F13B: variants seen among roughly 807,000 people sequenced by gnomAD.
F13B encodes the protein TGase.
Under a neutral mutation model 79.8 loss-of-function variants are expected in F13B, and 58 were observed. The ratio of observed to expected loss-of-function variants is 0.73; its 90% CI spans 0.59 to 0.90. The LOEUF (loss-of-function observed/expected upper bound fraction) is 0.90. F13B is among the 40% of genes least tolerant of loss of function. The pLI, the probability that F13B is intolerant of heterozygous loss-of-function variation, is 0.00. For synonymous variants in F13B, 283 were observed against 260.3 expected (o/e 1.09, Z -0.84); for missense variants, 773 against 777.0 (o/e 0.99, Z 0.06).
At chr1:197,046,819 G>C (rs1487294235) in intron 10 of F13B, among the ~76,000 whole-genome samples, 2 of 152,082 alleles carry the variant, frequency 1.3e-5, no homozygotes, top group Non-Finnish European at 2.9e-5. Context: ...CAGATATATA[G>C]ACCAATGGAA....
In F13B at chr1:197,050,852, G is replaced by A; in HGVS notation, c.1583C>T (p.Pro528Leu). The change falls in exon 10 of 12, where the codon CCT becomes CTT. Residue 528 changes from proline to leucine, a missense_variant. Physicochemically the swap from Pro to Leu is moderately conservative, Grantham distance 98. Transcript: ENST00000367412. ...KESKGMCTSPPLIKHGVIISS... is the reference protein window; with the variant it reads ...KESKGMCTSPLLIKHGVIISS... The stretch of plus-strand genomic sequence containing the variant: ...AATAATGACTCCATGTTTAATAAGA[G>A]GAGGAGATGTGCACATTCCTTTAGA... 6.2e-7 allele frequency: 1 copy of A among 1,613,116 alleles called. No homozygotes were observed. The highest frequency in any genetic ancestry group is 1.1e-5 in the South Asian group (1 of 91,054).
intron 8 of F13B, among the ~76,000 whole-genome samples, chr1:197,053,127 C>A (rs1002367505): frequency 4.6e-5 from 7 of 151,954 alleles, no homozygotes; most frequent in African/African-American, 1.7e-4. Context: ...AAAATAAAAA[C>A]CTTTAACTAC....
At chr1:197,047,234 T>C (rs976782050) in intron 10 of F13B, among the ~76,000 whole-genome samples, 2 of 152,126 alleles carry the variant, frequency 1.3e-5, no homozygotes, top group Admixed American at 6.5e-5. Context: ...ACCTACAGAA[T>C]GGGAGAAAAT....
At chr1:197,066,450 G>T (rs1363380440) in intron 1 of F13B, among the ~76,000 whole-genome samples, 4 of 152,104 alleles carry the variant, frequency 2.6e-5, no homozygotes, top group Admixed American at 2.6e-4. Flanking sequence ...ACATACCCAT[G>T]TACACTGCCT....
chr1:197,044,432 G>A (rs1277737227), intron 10 of F13B, among the ~76,000 whole-genome samples: 2 of 152,108 alleles, frequency 1.3e-5, no homozygotes, highest in African/African-American at 4.8e-5. Flanking sequence ...TAATGGTAAA[G>A]GGATCAATTC....
chr1:197,045,670 A>G (rs1655202234), intron 10 of F13B, among the ~76,000 whole-genome samples: 1 of 152,236 alleles, frequency 6.6e-6, no homozygotes, highest in Non-Finnish European at 1.5e-5. Context: ...TGAAGTCAGC[A>G]TCATCCTGAT....
chr1:197,058,887 T>G (rs1481714123), intron 5 of F13B, among the ~76,000 whole-genome samples: 6 of 152,056 alleles, frequency 3.9e-5, no homozygotes, highest in Non-Finnish European at 7.4e-5. Flanking sequence ...AAAACAGGCA[T>G]GTTGTCATGC....
At chr1:197,061,133 A>C in intron 3 of F13B, 58 bp from the exon 4 acceptor site, 1 of 889,220 alleles carries the variant, frequency 1.1e-6, no homozygotes, top group Non-Finnish European at 1.6e-6. Flanking sequence ...GATTATAAAA[A>C]ATCTCAAAAT....
Position 197,061,880 on chromosome 1 carries a change from C to G in F13B, c.355G>C (p.Ala119Pro). The G allele has an allele frequency of 6.2e-7, 1 of 1,613,142 alleles. No homozygotes were observed. Among genetic ancestry groups the G allele is most frequent in the Middle Eastern group, 1.7e-4 (1 of 6,058 alleles). Reference protein sequence around the residue: ...KIQENMRYGCASGYKTTGGKD... With the variant: ...KIQENMRYGCPSGYKTTGGKD... ...CCTCCAGTGGTTTTGTACCCTGAAGCGCAACCATAACGCATGTTCTCTTGA... is the reference window on the plus strand; with the variant it reads ...CCTCCAGTGGTTTTGTACCCTGAAGGGCAACCATAACGCATGTTCTCTTGA... The change falls in exon 3 of 12, where the codon GCT becomes CCT. Residue 119 changes from alanine (A) to proline (P), a missense_variant. Coordinates refer to ENST00000367412, the MANE Select transcript of F13B (RefSeq NM_001994.3).
intron 10 of F13B, among the ~76,000 whole-genome samples, chr1:197,048,430 G>C (rs1350667890): frequency 6.6e-6 from 1 of 151,840 alleles, no homozygotes; most frequent in Non-Finnish European, 1.5e-5. Context: ...AAAGTTAAGG[G>C]ATGGAAAAAT....
chr1:197,066,813 A>G (rs1289973082), intron 1 of F13B, among the ~76,000 whole-genome samples: 1 of 152,148 alleles, frequency 6.6e-6, no homozygotes, highest in Non-Finnish European at 1.5e-5. Context: ...CAGTATTAGG[A>G]ATGGATTCTA....
intron 10 of F13B, among the ~76,000 whole-genome samples, chr1:197,048,733 A>T (rs1044872713): frequency 2.0e-5 from 3 of 152,142 alleles, no homozygotes; most frequent in African/African-American, 7.2e-5. Context: ...CACACAAATC[A>T]GTACAGCTTT....
At chr1:197,050,593 T>C in intron 10 of F13B, 104 bp downstream of exon 10, 1 of 983,818 alleles carries the variant, frequency 1.0e-6, no homozygotes, top group East Asian at 2.6e-5. Flanking sequence ...ATAACACAAA[T>C]GTAGCAAATA....
Position 197,057,329 on chromosome 1 carries a change from T to C in F13B, c.942A>G (p.Ile314Met), listed in dbSNP as rs903780706. The C allele has an allele frequency of 2.5e-6, 4 of 1,613,876 alleles. No homozygotes were observed. The highest frequency in any genetic ancestry group is 1.3e-5 in the African/African-American group (1 of 74,912). ...LNFEIHGSAE[I>M]RCEDGKWTEP... ...CTGTCCATTTTCCATCTTCACAACGTATTTCTGCTGACCCATGGATCTCAA... is the reference window on the plus strand; with the variant it reads ...CTGTCCATTTTCCATCTTCACAACGCATTTCTGCTGACCCATGGATCTCAA... The change falls in exon 6 of 12, where the codon ATA (isoleucine) becomes ATG (methionine). Residue 314 changes from isoleucine (I) to methionine (M), a missense_variant. By Grantham distance (10) the Ile-to-Met change is conservative (BLOSUM62 1). Transcript: ENST00000367412.
Position 197,040,667 on chromosome 1 carries a change from T to C in F13B, c.1807A>G (p.Arg603Gly). 1 of 1,613,162 alleles carries C rather than the reference T, an allele frequency of 6.2e-7. No homozygotes were observed. The highest frequency in any genetic ancestry group is 1.3e-5 in the African/African-American group (1 of 75,014). Residue 603 changes from arginine to glycine, a missense_variant, in exon 11 of 12, where the codon AGA becomes GGA. Coordinates refer to ENST00000367412, the MANE Select transcript of F13B (RefSeq NM_001994.3). ...NLLLKWDFDN[R>G]PHILHGEYIE... ...TATTCACCATGCAAAATGTGTGGTC[T>C]ATTGTCAAAATCCCATTTCAGAAGT...
intron 10 of F13B, among the ~76,000 whole-genome samples, chr1:197,041,937 G>A (rs534345592): frequency 9.9e-5 from 15 of 152,074 alleles, no homozygotes; most frequent in South Asian, 2.1e-4. Context: ...AAGAATTTCC[G>A]CCCTTTCACT....
chr1:197,039,509 G>T, intron 11 of F13B, 98 bp from the exon 12 acceptor site: 1 of 908,136 alleles, frequency 1.1e-6, no homozygotes, highest in Non-Finnish European at 1.8e-6. Context: ...ATGAGTCATT[G>T]TTTTTATTAA....
chr1:197,049,215 A>C (rs1655351968), intron 10 of F13B, among the ~76,000 whole-genome samples: 1 of 151,990 alleles, frequency 6.6e-6, no homozygotes, highest in Non-Finnish European at 1.5e-5. Flanking sequence ...AAGCCAGAAA[A>C]AGAGTAACAA....
intron 10 of F13B, among the ~76,000 whole-genome samples, chr1:197,049,730 A>G (rs1170124267): frequency 6.6e-6 from 1 of 152,110 alleles, no homozygotes; most frequent in Non-Finnish European, 1.5e-5. Context: ...ATATCAAACC[A>G]GAAAGGAAAA....
Sources: gnomAD v4.1 joint callset for allele counts (sites outside exome capture counted in the v4.1 genomes callset) on GRCh38, gnomAD v4.1.1 for gene constraint, MANE v1.5 for transcripts, NCBI Gene and HGNC (gene_info 2026-07-23, HGNC 2026-07-21) for gene names.